Variants in PI4K2A observed in about 807,000 individuals in gnomAD.
The protein encoded by PI4K2A is phosphatidylinositol 4-kinase type 2 alpha.
PI4K2A carries 20 observed loss-of-function variants against 55.0 expected under a neutral mutation model. The ratio of observed to expected loss-of-function variants is 0.36; its 90% CI spans 0.26 to 0.53. The LOEUF is 0.53. Among genes scored for constraint, PI4K2A ranks in the 20% least tolerant of loss-of-function variants. The pLI is 0.91. For synonymous variants in PI4K2A, 235 were observed against 258.5 expected (o/e 0.91, Z 0.87); for missense variants, 463 against 637.1 (o/e 0.73, Z 2.94).
At chr10:97,641,208 G>A in intron 1 of PI4K2A, 31 bp downstream of exon 1, 1 of 1,548,244 alleles carries the variant, frequency 6.5e-7, no homozygotes, top group Non-Finnish European at 8.7e-7. Flanking sequence ...CGCCGCCGCG[G>A]GCTGAGGGCC....
intron 4 of PI4K2A, among the ~76,000 whole-genome samples, chr10:97,662,149 G>C (rs2041587407): frequency 6.6e-6 from 1 of 152,166 alleles, no homozygotes. Flanking sequence ...AGCCTCTGCT[G>C]ATATTCTTAA....
intron 8 of PI4K2A, among the ~76,000 whole-genome samples, chr10:97,671,914 A>G (rs1436728085): frequency 6.6e-6 from 1 of 152,190 alleles, no homozygotes; most frequent in Non-Finnish European, 1.5e-5. Flanking sequence ...TCGGCCTCCC[A>G]AAGTGCTAGG....
chr10:97,673,504 C>T (rs1184416668), intron 8 of PI4K2A, 77 bp from the exon 9 acceptor site: 1 of 1,234,350 alleles, frequency 8.1e-7, no homozygotes, highest in Non-Finnish European at 1.2e-6. Flanking sequence ...TAGGCGTCCT[C>T]TCTACTGATC....
chr10:97,648,609 T>C (rs553746160), intron 1 of PI4K2A, among the ~76,000 whole-genome samples: 21 of 152,336 alleles, frequency 1.4e-4, no homozygotes, highest in African/African-American at 4.6e-4. Context: ...TCCTTTTCAT[T>C]GAGGACCAGC....
At chr10:97,649,050 G>A (rs1351750047) in intron 1 of PI4K2A, among the ~76,000 whole-genome samples, 3 of 152,196 alleles carry the variant, frequency 2.0e-5, no homozygotes, top group Non-Finnish European at 4.4e-5. Flanking sequence ...TTAGCGACAT[G>A]GACCTAGCTA....
intron 1 of PI4K2A, among the ~76,000 whole-genome samples, chr10:97,642,853 TTC>T (rs1365369486): frequency 1.1e-4 from 1 of 9,414 alleles, no homozygotes; most frequent in African/African-American, 2.6e-4. Flanking sequence ...CTTCCTTCCT[TTC>T]TTTCTTTCTT....
At chr10:97,641,150 A>G (rs745962915) in exon 1 of PI4K2A, 2 of 1,606,430 alleles carry the variant, frequency 1.2e-6, no homozygotes, top group South Asian at 2.2e-5. Context: ...GCTCCAGCGG[A>G]AGCTACTTCG....
At chr10:97,642,327 A>G (rs894650114) in intron 1 of PI4K2A, among the ~76,000 whole-genome samples, 3 of 151,748 alleles carry the variant, frequency 2.0e-5, no homozygotes, top group Non-Finnish European at 2.9e-5. Flanking sequence ...CCATGAACTC[A>G]GTTTCTCAGT....
intron 2 of PI4K2A, among the ~76,000 whole-genome samples, chr10:97,653,500 T>C (rs771990411): frequency 5.9e-5 from 9 of 152,258 alleles, no homozygotes; most frequent in Non-Finnish European, 1.3e-4. Context: ...TTATCAGCTA[T>C]TCTAATCGTT....
chr10:97,664,759 GT>G, intron 5 of PI4K2A, 125 bp from the exon 6 acceptor site: 1 of 644,760 alleles, frequency 1.6e-6, no homozygotes, highest in South Asian at 1.9e-5. Context: ...AGTTCAGAGA[GT>G]AGCTCAAGAT....
chr10:97,660,928 G>A (rs1034975075), intron 4 of PI4K2A, among the ~76,000 whole-genome samples: 1 of 122,932 alleles, frequency 8.1e-6, no homozygotes, highest in Non-Finnish European at 1.6e-5. Flanking sequence ...CCCCATCCCT[G>A]CTGGATTTTT....
At chr10:97,651,277 G>A (rs753005960) in intron 2 of PI4K2A, 136 bp downstream of exon 2, 7 of 635,306 alleles carry the variant, frequency 1.1e-5, no homozygotes, top group South Asian at 3.8e-5. Context: ...ATCTTTTTTC[G>A]GGAGGATGGC....
Position 97,666,537 on chromosome 10 carries a change from A to C in PI4K2A, c.1184A>C (p.Lys395Thr), listed in dbSNP as rs541984098. ...AAGATATCGGACCCTAACTTCGTCA[A>C]GGACTTGGAAGAGGACCTATATGAA... The change falls in exon 7 of 9, where the codon AAG becomes ACG. Residue 395 changes from lysine (K) to threonine (T), a missense_variant. By Grantham distance (78) the Lys-to-Thr change is moderately conservative. Around this residue, in one of 2 missense-constraint regions of PI4K2A, gnomAD observed 277 missense variants for 432.6 expected, o/e 0.64. Coordinates refer to ENST00000370631, the Ensembl canonical transcript of PI4K2A. 1.9e-6 allele frequency: 3 copies of C among 1,613,818 alleles called. No homozygotes were observed. In the African/African-American group the frequency reaches 4.0e-5, roughly 22 times the overall value.
chr10:97,663,093 T>G, intron 5 of PI4K2A, 125 bp downstream of exon 5: 1 of 676,056 alleles, frequency 1.5e-6, no homozygotes, highest in South Asian at 1.7e-5. Flanking sequence ...TGTTTAAAAT[T>G]AATAGGTTAA....
At chr10:97,642,146 A>G (rs1050180924) in intron 1 of PI4K2A, among the ~76,000 whole-genome samples, 1 of 152,152 alleles carries the variant, frequency 6.6e-6, no homozygotes, top group Non-Finnish European at 1.5e-5. Context: ...TTTCCCTGAC[A>G]TCTCTCCTGT....
intron 4 of PI4K2A, among the ~76,000 whole-genome samples, chr10:97,659,160 G>A (rs368430183): frequency 4.6e-5 from 7 of 152,026 alleles, no homozygotes; most frequent in African/African-American, 1.7e-4. Context: ...TCTGCCACCC[G>A]AGTAGCTGGG....
intron 1 of PI4K2A, 47 bp from the exon 2 acceptor site, chr10:97,650,894 T>C: frequency 4.9e-6 from 7 of 1,425,368 alleles, no homozygotes; most frequent in Non-Finnish European, 5.9e-6. Context: ...TGTGGGCTAT[T>C]TTGGTCAACT....
chr10:97,659,175 C>T (rs2041569198), intron 4 of PI4K2A, among the ~76,000 whole-genome samples: 1 of 152,116 alleles, frequency 6.6e-6, no homozygotes, highest in Non-Finnish European at 1.5e-5. Flanking sequence ...GCTGGGACTA[C>T]AGGTGTGAGG....
exon 6 of PI4K2A, chr10:97,664,915 G>C (rs1024268005): frequency 6.2e-7 from 1 of 1,613,998 alleles, no homozygotes; most frequent in Non-Finnish European, 8.5e-7. Flanking sequence ...GAAGGAGCCT[G>C]TTATCAAGGT....
Sources: gnomAD v4.1 joint callset for allele counts (sites outside exome capture counted in the v4.1 genomes callset) on GRCh38, gnomAD v4.1.1 for gene constraint, gnomAD v4.1.1 regional missense constraint, MANE v1.5 for transcripts, NCBI Gene and HGNC (gene_info 2026-07-23, HGNC 2026-07-21) for gene names.